GP5: variants seen among roughly 807,000 people sequenced by gnomAD.
GP5 encodes the protein glycoprotein V platelet.
For synonymous variants in GP5, 382 were observed against 353.9 expected (o/e 1.08, Z -0.89); for missense variants, 755 against 737.1 (o/e 1.02, Z -0.28).
chr3:194,398,471 C>A (rs1714527483), intron 1 of GP5, 187 bp from the exon 2 acceptor site: 4 of 582,070 alleles, frequency 6.9e-6, no homozygotes, highest in Non-Finnish European at 1.2e-5. Flanking sequence ...TGGCCTCATG[C>A]TTTTGCTTTA....
chr3:194,398,060 C>T lies in GP5; in HGVS notation c.223G>A (p.Val75Ile). 4.3e-6 allele frequency: 7 copies of T among 1,613,968 alleles called. No individual in the cohort carries two copies. The highest frequency in any genetic ancestry group is 5.9e-6 in the Non-Finnish European group (7 of 1,179,934). Reference protein sequence around the residue: ...LQSQSFSGMTVLQRLMISDSH... With the variant: ...LQSQSFSGMTILQRLMISDSH... The stretch of plus-strand genomic sequence containing the variant: ...TCGGAGATCATGAGGCGCTGCAGGA[C>T]GGTCATGCCGCTGAAGCTCTGGCTC... The change falls in exon 2 of 2, where the codon GTC becomes ATC. Residue 75 changes from valine (V) to isoleucine (I), a missense_variant. Val to Ile is a conservative substitution (Grantham distance 29). Transcript: ENST00000692618.
Position 194,395,902 on chromosome 3 carries a change from T to G in GP5, c.*698A>C, listed in dbSNP as rs1714438822. On this transcript the variant is annotated 3_prime_UTR_variant, in exon 2 of 2. Transcript: ENST00000692618. ...TTAAAAAGTACAAAAATTAGCCGGG[T>G]GTAGTGGCACACGCCTCTAATCCCA... The G allele has an allele frequency of 6.6e-6, 1 of 152,132 alleles. No homozygotes were observed. The highest frequency in any genetic ancestry group is 1.5e-5 in the Non-Finnish European group (1 of 68,092). The allele number at this position is 152,132 out of a possible 1,614,324, so 9.4% of individuals were successfully genotyped here. A position where few individuals can be genotyped will look rare whatever the true frequency, so the allele number is the denominator to read the frequency against.
At position 194,396,870 on chromosome 3, in the gene GP5, C is replaced by T. The variant is rs1256759797; in HGVS notation, c.1413G>A (p.Glu471=). The T allele has an allele frequency of 1.4e-5, 21 of 1,541,128 alleles. No homozygotes were observed. The highest frequency in any genetic ancestry group is 6.3e-5 in the South Asian group (5 of 79,284). ...PLWALPGGDA[E]CPGPRGPPPR... is the part of the protein sequence containing the mutation. Reference sequence around the variant, plus strand: ...GAGGCGGGCCCCGGGGGCCCGGGCACTCCGCGTCACCCCCCGGCAGGGCCC... The same window carrying T: ...GAGGCGGGCCCCGGGGGCCCGGGCATTCCGCGTCACCCCCCGGCAGGGCCC... Residue 471 remains glutamate, a synonymous_variant, in exon 2 of 2, where the codon GAG becomes GAA. Transcript: ENST00000692618.
chr3:194,396,478 G>A lies in GP5; in HGVS notation c.*122C>T. 1 of 730,040 alleles carries A rather than the reference G, an allele frequency of 1.4e-6. No individual in the cohort carries two copies. Among genetic ancestry groups the A allele is most frequent in the Non-Finnish European group, 2.3e-6 (1 of 442,628 alleles). The allele number at this position is 730,040 out of a possible 1,614,324, so 45.2% of individuals were successfully genotyped here. A position where few individuals can be genotyped will look rare whatever the true frequency, so the allele number is the denominator to read the frequency against. ...GGGAAAGGAAGGCGTGGCAGTGAGA[G>A]AGAAGAGGAAGAAGAGAGGAGGAGT... On this transcript the variant is annotated 3_prime_UTR_variant, in exon 2 of 2. Transcript: ENST00000692618.
chr3:194,397,511 G>A lies in GP5; in HGVS notation c.772C>T (p.Pro258Ser), dbSNP rs1461740256. 3 of 1,613,882 alleles carry A rather than the reference G, an allele frequency of 1.9e-6. No individual in the cohort carries two copies. Among genetic ancestry groups the A allele is most frequent in the Admixed American group, 1.7e-5 (1 of 59,996 alleles). ...TLSRNHLAFL[P>S]SALFLHSHNL... ...TGCGAATGAAGAAAGAGCGCAGAGG[G>A]GAGAAACGCAAGGTGGTTTCTCGAA... The change falls in exon 2 of 2, where the codon CCC becomes TCC. Residue 258 changes from proline (P) to serine (S), a missense_variant. By Grantham distance (74) the Pro-to-Ser change is moderately conservative. Coordinates refer to ENST00000692618, the MANE Select transcript of GP5 (RefSeq NM_004488.2). This position sits in a 1 kb window ranked among gnomAD's most constrained non-coding sequence, Gnocchi z 7.2.
In GP5 at chr3:194,398,291, A is replaced by G. The variant is rs370787336; in HGVS notation, c.-2-7T>C. ...AGAGTCCCCCTCAGCATGTCTGAAA[A>G]AGCAACCGTGGGAGTGTGGTCAACA... is the stretch of plus-strand genomic sequence containing the variant. On this transcript the variant is annotated splice_polypyrimidine_tract_variant and splice_region_variant and intron_variant, in intron 1 of 1. Coordinates refer to ENST00000692618, the MANE Select transcript of GP5 (RefSeq NM_004488.2). The G allele has an allele frequency of 9.9e-5, 156 of 1,582,476 alleles. No individual in the cohort carries two copies. In the African/African-American group the frequency reaches 2.0e-3, roughly 20 times the overall value.
At position 194,396,935 on chromosome 3, in the gene GP5, G is replaced by A. The variant is rs1714474455; in HGVS notation, c.1348C>T (p.Arg450Trp). The A allele has an allele frequency of 1.3e-6, 2 of 1,535,756 alleles. No homozygotes were observed. Among genetic ancestry groups the A allele is most frequent in the Non-Finnish European group, 1.7e-6 (2 of 1,143,328 alleles). ...GCGTGCGCCCCAGGGCCTGCGCACC[G>A]TGGGGGCTCTTCCCCGCCCACGAGG... Reference protein sequence around the residue: ...LGLVGGEEPPRCAGPGAHAGL... With the variant: ...LGLVGGEEPPWCAGPGAHAGL... The change falls in exon 2 of 2, where the codon CGG becomes TGG. Residue 450 changes from arginine to tryptophan, a missense_variant. Coordinates refer to ENST00000692618, the MANE Select transcript of GP5 (RefSeq NM_004488.2).
In GP5 at chr3:194,395,342, T is replaced by G. The variant is rs957948572; in HGVS notation, c.*1258A>C. 4 of 152,234 alleles carry G rather than the reference T, an allele frequency of 2.6e-5. No individual in the cohort carries two copies. Among genetic ancestry groups the G allele is most frequent in the Non-Finnish European group, 5.9e-5 (4 of 68,040 alleles). 9.4% of individuals were successfully genotyped at this position (152,234 alleles called of 1,614,324 possible). A position where few individuals can be genotyped will look rare whatever the true frequency, so the allele number is the denominator to read the frequency against. On this transcript the variant is annotated 3_prime_UTR_variant, in exon 2 of 2. Coordinates refer to ENST00000692618, the MANE Select transcript of GP5 (RefSeq NM_004488.2). The stretch of plus-strand genomic sequence containing the variant: ...TTTCAGTTGGAAGAACAAATGAGAC[T>G]GTGACAGCAGCTGAACTAGAATCAA...
rs74867693 is a variant in GP5, at chr3:194,397,182, C to G, written c.1101G>C (p.Gln367His). Reference protein sequence around the residue: ...GLLRGLGKLRQVSLRRNRLRA... With the variant: ...GLLRGLGKLRHVSLRRNRLRA... ...GCAGCCTGTTGCGGCGCAGGGACAC[C>G]TGGCGCAGCTTGCCGAGGCCGCGCA... Residue 367 changes from glutamine to histidine, a missense_variant, in exon 2 of 2, where the codon CAG becomes CAC. By Grantham distance (24) the Gln-to-His change is conservative (BLOSUM62 0). Transcript: ENST00000692618. This position sits in a 1 kb window ranked among gnomAD's most constrained non-coding sequence, Gnocchi z 7.2. The G allele has an allele frequency of 5.3e-3, 8,322 of 1,574,252 alleles. 395 individuals are homozygous for G. The African/African-American group carries it at 0.1, about 19-fold the overall frequency.
rs1714522998 is a variant in GP5 at position 194,398,303 on chromosome 3, G to C, written c.-2-19C>G. ...AGCATGTCTGAAAAAGCAACCGTGGGAGTGTGGTCAACACACAGGAGCGTT... is the reference window on the plus strand; with the variant it reads ...AGCATGTCTGAAAAAGCAACCGTGGCAGTGTGGTCAACACACAGGAGCGTT... On this transcript the variant is annotated intron_variant, in intron 1 of 1. Coordinates refer to ENST00000692618, the MANE Select transcript of GP5 (RefSeq NM_004488.2). 1 of 1,565,400 alleles carries C rather than the reference G, an allele frequency of 6.4e-7. No homozygotes were observed. The highest frequency in any genetic ancestry group is 1.4e-5 in the African/African-American group (1 of 73,320).
In GP5 at chr3:194,397,194, G is replaced by T; in HGVS notation, c.1089C>A (p.Gly363=). 6.4e-7 allele frequency: 1 copy of T among 1,570,676 alleles called. No individual in the cohort carries two copies. The highest frequency in any genetic ancestry group is 1.1e-5 in the South Asian group (1 of 87,908). The change falls in exon 2 of 2, where the codon GGC becomes GGA. Residue 363 remains glycine (G), a synonymous_variant. Transcript: ENST00000692618. The surrounding 1 kb of genome is among the most constrained non-coding windows in gnomAD (Gnocchi z 7.2). ...GGCGCAGGGACACCTGGCGCAGCTT[G>T]CCGAGGCCGCGCAGCAAGCCGTCGG... ...ALPDGLLRGL[G]KLRQVSLRRN... is the part of the protein sequence containing the mutation.
chr3:194,398,663 T>G (rs1383905876), intron 1 of GP5, among the ~76,000 whole-genome samples: 1 of 152,228 alleles, frequency 6.6e-6, no homozygotes, highest in African/African-American at 2.4e-5. Context: ...TAACTTACCC[T>G]GCATTGGCTA....
Position 194,398,168 on chromosome 3 carries a change from C to G in GP5, c.115G>C (p.Asp39His). 6.2e-7 allele frequency: 1 copy of G among 1,612,952 alleles called. No homozygotes were observed. The highest frequency in any genetic ancestry group is 8.5e-7 in the Non-Finnish European group (1 of 1,179,802). ...FRDAAQCSGG[D>H]VARISALGLP... ...CCTAGCGCGGAGATGCGCGCCACGT[C>G]GCCCCCCGAGCACTGCGCGGCGTCC... The change falls in exon 2 of 2, where the codon GAC (aspartate) becomes CAC (histidine). Residue 39 changes from aspartate (D) to histidine (H), a missense_variant. Asp to His is a moderately conservative substitution (Grantham distance 81). Transcript: ENST00000692618.
chr3:194,398,161 G>T lies in GP5; in HGVS notation c.122C>A (p.Ala41Glu), dbSNP rs771718752. The T allele has an allele frequency of 3.7e-6, 6 of 1,612,784 alleles. No individual in the cohort carries two copies. Among genetic ancestry groups the T allele is most frequent in the Middle Eastern group, 1.6e-4 (1 of 6,084 alleles). ...DAAQCSGGDV[A>E]RISALGLPTN... ...GGGCAGGCCTAGCGCGGAGATGCGC[G>T]CCACGTCGCCCCCCGAGCACTGCGC... The change falls in exon 2 of 2, where the codon GCG becomes GAG. Residue 41 changes from alanine to glutamate, a missense_variant. By Grantham distance (107) the Ala-to-Glu change is moderately radical. Coordinates refer to ENST00000692618, the MANE Select transcript of GP5 (RefSeq NM_004488.2).
At position 194,396,873 on chromosome 3, in the gene GP5, C is replaced by A; in HGVS notation, c.1410G>T (p.Ala470=). 4 of 1,538,458 alleles carry A rather than the reference C, an allele frequency of 2.6e-6. No homozygotes were observed. Among genetic ancestry groups the A allele is most frequent in the Non-Finnish European group, 3.5e-6 (4 of 1,149,958 alleles). ...GCGGGCCCCGGGGGCCCGGGCACTC[C>A]GCGTCACCCCCCGGCAGGGCCCAGA... ...LPLWALPGGD[A]ECPGPRGPPP... Residue 470 remains alanine, a synonymous_variant, in exon 2 of 2, where the codon GCG becomes GCT. Transcript: ENST00000692618.
rs773407579 is a variant in GP5, at chr3:194,397,695, G to T, written c.588C>A (p.Leu196=). The T allele has an allele frequency of 3.2e-5, 52 of 1,613,916 alleles. No individual in the cohort carries two copies. In the East Asian group the frequency reaches 1.2e-3, roughly 36 times the overall value. ...GGTTCGAGTGGAGCAGAAGTCTCTC[G>T]AGCTTAGCCTGTGCTCCAAGCAACC... ...PKGLLGAQAK[L]ERLLLHSNRL... The change falls in exon 2 of 2, where the codon CTC becomes CTA. Residue 196 remains leucine, a synonymous_variant. Coordinates refer to ENST00000692618, the MANE Select transcript of GP5 (RefSeq NM_004488.2). The surrounding 1 kb of genome is among the most constrained non-coding windows in gnomAD (Gnocchi z 7.2).
At position 194,396,814 on chromosome 3, in the gene GP5, G is replaced by A. The variant is rs2108671644; in HGVS notation, c.1469C>T (p.Ala490Val). 1.2e-6 allele frequency: 2 copies of A among 1,604,704 alleles called. No individual in the cohort carries two copies. Among genetic ancestry groups the A allele is most frequent in the Admixed American group, 3.4e-5 (2 of 58,738 alleles). Reference protein sequence around the residue: ...PRPAADSSSEAPVHPALAPNS... With the variant: ...PRPAADSSSEVPVHPALAPNS... ...GGGAGCCAAGGCTGGGTGGACAGGG[G>A]CTTCCGAGGAGCTGTCCGCAGCGGG... Residue 490 changes from alanine (A) to valine (V), a missense_variant, in exon 2 of 2, where the codon GCC becomes GTC. Ala to Val is a moderately conservative substitution (Grantham distance 64). Transcript: ENST00000692618.
Position 194,398,179 on chromosome 3 carries a change from C to T in GP5, c.104G>A (p.Cys35Tyr). ...CKCVFRDAAQ[C>Y]SGGDVARISA... ...GATGCGCGCCACGTCGCCCCCCGAG[C>T]ACTGCGCGGCGTCCCGGAAGACACA... Residue 35 changes from cysteine (C) to tyrosine (Y), a missense_variant, in exon 2 of 2, where the codon TGC (cysteine) becomes TAC (tyrosine). Transcript: ENST00000692618. The T allele has an allele frequency of 1.9e-6, 3 of 1,612,740 alleles. No homozygotes were observed. Among genetic ancestry groups the T allele is most frequent in the Non-Finnish European group, 1.7e-6 (2 of 1,179,716 alleles).
rs767870641 is a variant in GP5 at position 194,397,735 on chromosome 3, G to A, written c.548C>T (p.Thr183Ile). The change falls in exon 2 of 2, where the codon ACC becomes ATC. Residue 183 changes from threonine (T) to isoleucine (I), a missense_variant. Transcript: ENST00000692618. The surrounding 1 kb of genome is among the most constrained non-coding windows in gnomAD (Gnocchi z 7.2). ...KLLDLSGNNLTHLPKGLLGAQ... is the reference protein window; with the variant it reads ...KLLDLSGNNLIHLPKGLLGAQ... ...TCCAAGCAACCCCTTGGGCAGGTGG[G>A]TCAGGTTGTTTCCCGATAAATCCAA... 6.2e-7 allele frequency: 1 copy of A among 1,613,842 alleles called. No individual in the cohort carries two copies. Among genetic ancestry groups the A allele is most frequent in the South Asian group, 1.1e-5 (1 of 91,074 alleles).
Sources: allele counts gnomAD v4.1 joint callset (sites outside exome capture counted in the v4.1 genomes callset), GRCh38; gene constraint gnomAD v4.1.1; non-coding constraint Gnocchi (gnomAD v3.1); transcripts MANE v1.5; gene names NCBI Gene and HGNC (gene_info 2026-07-23, HGNC 2026-07-21).